Variants in TAFA5 observed in about 807,000 individuals in gnomAD.
TAFA5 encodes chemokine-like protein TAFA-5.
In TAFA5, 6 loss-of-function variants were observed where a neutral mutation model predicts 15.3. The observed-to-expected ratio is 0.39, with a 90% CI of 0.21 to 0.77. The LOEUF (loss-of-function observed/expected upper bound fraction) is 0.77. Among genes scored for constraint, TAFA5 ranks in the 30% least tolerant of loss-of-function variants. The pLI, the probability that TAFA5 is intolerant of heterozygous loss-of-function variation, is 0.41. For missense variants in TAFA5, 161 were observed against 193.1 expected, an observed-to-expected ratio of 0.83 and a Z score of 0.98; for synonymous variants, 103 against 80.7, an observed-to-expected ratio of 1.28 and a Z score of -1.48.
intron 1 of TAFA5, among the ~76,000 whole-genome samples, chr22:48,561,769 C>A (rs1923239180): frequency 6.6e-6 from 1 of 152,234 alleles, no homozygotes; most frequent in Non-Finnish European, 1.5e-5. Context: ...GTGCTGGGAG[C>A]AGACGTTGAG....
At chr22:48,689,741 A>G (rs1928479536) in intron 2 of TAFA5, among the ~76,000 whole-genome samples, 1 of 152,102 alleles carries the variant, frequency 6.6e-6, no homozygotes. Flanking sequence ...CTGGGGCCAG[A>G]CTGTGCAGGA....
At position 48,496,617 on chromosome 22, in the gene TAFA5, A is replaced by C. The variant is rs539324453; in HGVS notation, c.112+6913A>C. On this transcript the variant is annotated intron_variant, in intron 1 of 3. Coordinates refer to ENST00000402357, the MANE Select transcript of TAFA5 (RefSeq NM_001082967.3). ...GTGGTAGGCGATGTCTTCTGACGTCACCCACTCCACCCAGAGCTGGGCACA... is the reference window on the plus strand; with the variant it reads ...GTGGTAGGCGATGTCTTCTGACGTCCCCCACTCCACCCAGAGCTGGGCACA... Among the ~76,000 whole-genome samples, 150 of 152,132 alleles carry C rather than the reference A, an allele frequency of 9.9e-4. 2 individuals carry two copies. The highest frequency in any genetic ancestry group is 8.5e-3 in the South Asian group (41 of 4,802).
chr22:48,572,334 T>C (rs1923619003), intron 1 of TAFA5, among the ~76,000 whole-genome samples: 1 of 152,238 alleles, frequency 6.6e-6, no homozygotes, highest in Non-Finnish European at 1.5e-5. Context: ...GAGCACTTAC[T>C]GTATTCCCTG....
intron 2 of TAFA5, among the ~76,000 whole-genome samples, chr22:48,687,899 T>A (rs1455022336): frequency 1.3e-5 from 2 of 152,180 alleles, no homozygotes; most frequent in East Asian, 3.9e-4. Flanking sequence ...GGAGACACTT[T>A]CCTTTTTGGA....
At chr22:48,583,002 C>T (rs951621865) in intron 1 of TAFA5, among the ~76,000 whole-genome samples, 1 of 145,634 alleles carries the variant, frequency 6.9e-6, no homozygotes, top group African/African-American at 2.6e-5. Flanking sequence ...AAATAAACCA[C>T]ACACAAAATA....
chr22:48,576,577 T>C (rs1397830114), intron 1 of TAFA5: 1 of 1,463,284 alleles, frequency 6.8e-7, no homozygotes, highest in Admixed American at 2.1e-5. Context: ...AGAAGGTAAT[T>C]GTCCCCGGGC....
At chr22:48,602,338 C>T (rs1323778167) in intron 1 of TAFA5, among the ~76,000 whole-genome samples, 1 of 152,220 alleles carries the variant, frequency 6.6e-6, no homozygotes, top group Non-Finnish European at 1.5e-5. Context: ...ACATGGGGGC[C>T]TGGCCTGGGC....
intron 3 of TAFA5, among the ~76,000 whole-genome samples, chr22:48,738,643 C>T (rs1455076985): frequency 6.6e-6 from 1 of 152,176 alleles, no homozygotes; most frequent in African/African-American, 2.4e-5. Context: ...GTGAGGGAGG[C>T]CATGATGTGC....
At chr22:48,738,838 C>T (rs1028258331) in intron 3 of TAFA5, among the ~76,000 whole-genome samples, 5 of 152,176 alleles carry the variant, frequency 3.3e-5, no homozygotes, top group Non-Finnish European at 5.9e-5. Flanking sequence ...GCAGGCAGCC[C>T]GACATGGCAC....
intron 1 of TAFA5, among the ~76,000 whole-genome samples, chr22:48,508,923 T>C (rs1445997838): frequency 6.6e-6 from 1 of 152,158 alleles, no homozygotes; most frequent in African/African-American, 2.4e-5. Flanking sequence ...ATTTCTCCTG[T>C]TTAGCTGTAA....
chr22:48,743,622 C>T (rs913322163), intron 3 of TAFA5, among the ~76,000 whole-genome samples: 2 of 152,184 alleles, frequency 1.3e-5, no homozygotes, highest in Non-Finnish European at 2.9e-5. Flanking sequence ...CTGCCAGGTG[C>T]GTCCTCATTC....
intron 1 of TAFA5, among the ~76,000 whole-genome samples, chr22:48,577,182 G>A (rs1660698279): frequency 6.6e-6 from 1 of 152,264 alleles, no homozygotes; most frequent in African/African-American, 2.4e-5. Flanking sequence ...CTGCAGGGCA[G>A]TCTGGGACTA....
At chr22:48,585,102 G>GCA (rs750045339) in intron 1 of TAFA5, among the ~76,000 whole-genome samples, 269 of 99,846 alleles carry the variant, frequency 2.7e-3, no homozygotes, top group Admixed American at 3.6e-3. Context: ...CACACACCAC[G>GCA]CACACACACA....
At chr22:48,696,759 G>C (rs1025848967) in intron 2 of TAFA5, among the ~76,000 whole-genome samples, 1 of 152,230 alleles carries the variant, frequency 6.6e-6, no homozygotes, top group Non-Finnish European at 1.5e-5. Flanking sequence ...TGAGGTTTGC[G>C]CCTGCAGAGC....
rs967202533 is a variant in TAFA5 at position 48,566,933 on chromosome 22, C to T, written c.112+77229C>T. ...TCAGTGGGTTGGGTTTGTCCTTTCTCCTTTGCTCCGCAGCACTGCTGCCTG... is the reference window on the plus strand; with the variant it reads ...TCAGTGGGTTGGGTTTGTCCTTTCTTCTTTGCTCCGCAGCACTGCTGCCTG... On this transcript the variant is annotated intron_variant, in intron 1 of 3. Transcript: ENST00000402357. This position sits in a 1 kb window ranked among gnomAD's most constrained non-coding sequence, Gnocchi z 4.5. Among the ~76,000 whole-genome samples the T allele has an allele frequency of 6.6e-6, 1 of 152,172 alleles. No homozygotes were observed. The highest frequency in any genetic ancestry group is 2.4e-5 in the African/African-American group (1 of 41,442).
intron 3 of TAFA5, among the ~76,000 whole-genome samples, chr22:48,720,760 C>T (rs1451071911): frequency 2.5e-5 from 3 of 122,050 alleles, no homozygotes; most frequent in Non-Finnish European, 5.9e-5. Context: ...GGAGCCTCCA[C>T]AGGGTTCCCT....
Position 48,535,744 on chromosome 22 carries a change from C to T in TAFA5, c.112+46040C>T, listed in dbSNP as rs897481257. Among the ~76,000 whole-genome samples the T allele has an allele frequency of 1.4e-4, 21 of 150,718 alleles. 1 individual carries two copies. The highest frequency in any genetic ancestry group is 4.0e-4 in the Admixed American group (6 of 15,146). ...CACACAGTCACACCGGCACATCACA[C>T]GCACGGTCACACTGGCACATGTATG... is the stretch of plus-strand genomic sequence containing the variant. On this transcript the variant is annotated intron_variant, in intron 1 of 3. Coordinates refer to ENST00000402357, the MANE Select transcript of TAFA5 (RefSeq NM_001082967.3).
chr22:48,495,332 G>A (rs1480937211), intron 1 of TAFA5, among the ~76,000 whole-genome samples: 1 of 152,202 alleles, frequency 6.6e-6, no homozygotes, highest in African/African-American at 2.4e-5. Flanking sequence ...CACTCTCCTG[G>A]AGCTGACATT....
At chr22:48,578,670 A>T (rs79084238) in intron 1 of TAFA5, among the ~76,000 whole-genome samples, 3 of 152,246 alleles carry the variant, frequency 2.0e-5, no homozygotes, top group Admixed American at 2.0e-4. Context: ...GCAGCCCTCC[A>T]GGACTCCTGA....
Sources: gnomAD v4.1 joint callset for allele counts (sites outside exome capture counted in the v4.1 genomes callset) on GRCh38, gnomAD v4.1.1 for gene constraint, Gnocchi (gnomAD v3.1) non-coding constraint, MANE v1.5 for transcripts, NCBI Gene and HGNC (gene_info 2026-07-23, HGNC 2026-07-21) for gene names.